The following DET1 variants were observed in gnomAD, a reference collection of about 807,000 sequenced individuals.
DET1 encodes DET1 homolog.
In DET1, 22 loss-of-function variants were observed where a neutral mutation model predicts 43.7. The observed-to-expected ratio is 0.50, with a 90% CI of 0.36 to 0.72. DET1 has a LOEUF of 0.72. Among genes scored for constraint, DET1 ranks in the 30% least tolerant of loss-of-function variants. The pLI is 0.00. For synonymous variants in DET1, 315 were observed against 266.2 expected, an observed-to-expected ratio of 1.18 and a Z score of -1.79; for missense variants, 713 against 713.3, an observed-to-expected ratio of 1.00 and a Z score of 0.00.
chr15:88,506,189 C>T (rs1335965550), intron 7 of DET1, among the ~76,000 whole-genome samples: 1 of 152,136 alleles, frequency 6.6e-6, no homozygotes, highest in Non-Finnish European at 1.5e-5. Flanking sequence ...GTGCTCACAT[C>T]GACCCTGAAA....
intron 4 of DET1, among the ~76,000 whole-genome samples, chr15:88,515,267 C>T (rs558317410): frequency 5.7e-4 from 86 of 152,092 alleles, no homozygotes; most frequent in Admixed American, 3.9e-3. Flanking sequence ...TGGCCAGGCA[C>T]GGTGGCTCAA....
intron 1 of DET1, among the ~76,000 whole-genome samples, chr15:88,535,472 ATAGT>A (rs891104181): frequency 6.6e-6 from 1 of 152,126 alleles, no homozygotes; most frequent in African/African-American, 2.4e-5. Flanking sequence ...AATGGCTGTA[ATAGT>A]TGGTGGTGGT....
chr15:88,532,767 T>G (rs939150420), intron 1 of DET1, among the ~76,000 whole-genome samples: 1 of 152,198 alleles, frequency 6.6e-6, no homozygotes. Flanking sequence ...GACCCTATCT[T>G]ACACCCTATA....
At chr15:88,525,776 C>T (rs1329743411) in intron 3 of DET1, among the ~76,000 whole-genome samples, 2 of 151,784 alleles carry the variant, frequency 1.3e-5, no homozygotes, top group African/African-American at 2.4e-5. Context: ...ATCCTCCCAC[C>T]TCAGCCTCCC....
intron 1 of DET1, among the ~76,000 whole-genome samples, chr15:88,544,928 C>T (rs533556199): frequency 6.6e-6 from 1 of 152,114 alleles, no homozygotes; most frequent in African/African-American, 2.4e-5. Flanking sequence ...GAAGTGTCGA[C>T]CTTGTAGCAG....
chr15:88,531,410 C>A lies in DET1; in HGVS notation c.296G>T (p.Gly99Val). The change falls in exon 2 of 5, where the codon GGA becomes GTA. Residue 99 changes from glycine to valine, a missense_variant. By Grantham distance (109) the Gly-to-Val change is moderately radical. Transcript: ENST00000268148. The surrounding 1 kb of genome is among the most constrained non-coding windows in gnomAD (Gnocchi z 6.2). ...GCQAAEDLLQGYEGEILSNGN... is the reference protein window; with the variant it reads ...GCQAAEDLLQVYEGEILSNGN... ...ATTGGACAGGATTTCTCCTTCGTAT[C>A]CCTGCAGTAGGTCCTCTGCTGCCTG... 6.2e-7 allele frequency: 1 copy of A among 1,614,042 alleles called. No homozygotes were observed. The highest frequency in any genetic ancestry group is 8.5e-7 in the Non-Finnish European group (1 of 1,179,894).
chr15:88,525,414 G>A (rs2142292161), intron 3 of DET1, among the ~76,000 whole-genome samples: 1 of 152,218 alleles, frequency 6.6e-6, no homozygotes, highest in South Asian at 2.1e-4. Flanking sequence ...GTTTTTTCTG[G>A]AGCTTTCTGT....
In DET1 at chr15:88,512,857, G is replaced by C. The variant is rs546165634; in HGVS notation, c.*94C>G. The C allele has an allele frequency of 5.9e-6, 9 of 1,533,070 alleles. No individual in the cohort carries two copies. The East Asian group carries it at 1.6e-4, about 27-fold the overall frequency. The allele number at this position is 1,533,070 out of a possible 1,614,324, so 95.0% of individuals were successfully genotyped here. A position where few individuals can be genotyped will look rare whatever the true frequency, so the allele number is the denominator to read the frequency against. On this transcript the variant is annotated 3_prime_UTR_variant, in exon 5 of 5. Transcript: ENST00000268148. ...GAGGTATAGCAGGCTGGAACTAACA[G>C]AGCTAGTAGTCGGGAGCTTTTGCTT...
At chr15:88,544,628 T>A (rs951357369) in intron 1 of DET1, among the ~76,000 whole-genome samples, 2 of 152,164 alleles carry the variant, frequency 1.3e-5, no homozygotes, top group African/African-American at 4.8e-5. Flanking sequence ...TTGAAAAGAC[T>A]TCACACCGTC....
At position 88,533,504 on chromosome 15, in the gene DET1, C is replaced by T. The variant is rs1306439762; in HGVS notation, c.-10-1789G>A. On this transcript the variant is annotated intron_variant, in intron 1 of 4. Coordinates refer to ENST00000268148, the MANE Select transcript of DET1 (RefSeq NM_001144074.3). ...CACCCATGTTCATATCAGCGCTATTCATAGTAGTCAAGAGATGGAAGCAAC... is the reference window on the plus strand; with the variant it reads ...CACCCATGTTCATATCAGCGCTATTTATAGTAGTCAAGAGATGGAAGCAAC... 2.0e-5 allele frequency among the ~76,000 whole-genome samples: 3 copies of T among 152,108 alleles called. No individual in the cohort carries two copies. In the East Asian group the frequency reaches 5.8e-4, roughly 29 times the overall value.
At chr15:88,542,127 A>G (rs2057124437) in intron 1 of DET1, among the ~76,000 whole-genome samples, 1 of 152,118 alleles carries the variant, frequency 6.6e-6, no homozygotes, top group African/African-American at 2.4e-5. Context: ...AGACCCATCG[A>G]CCCACCTAGG....
At chr15:88,514,034 C>G (rs1179281962) in intron 4 of DET1, among the ~76,000 whole-genome samples, 4 of 149,614 alleles carry the variant, frequency 2.7e-5, no homozygotes, top group Non-Finnish European at 5.9e-5. Context: ...CTCCTGACCT[C>G]GTGATCCGCC....
Position 88,512,522 on chromosome 15 carries a change from G to C in DET1, c.*429C>G. ...CATGGCTTTATTTTTCTCTTAAAAA[G>C]ATAGCCGTGCTTATGAGCTAAATGG... On this transcript the variant is annotated 3_prime_UTR_variant, in exon 5 of 5. Coordinates refer to ENST00000268148, the MANE Select transcript of DET1 (RefSeq NM_001144074.3). The C allele has an allele frequency of 1.0e-6, 1 of 988,490 alleles. No individual in the cohort carries two copies. The highest frequency in any genetic ancestry group is 1.2e-6 in the Non-Finnish European group (1 of 831,858). 61.2% of individuals were successfully genotyped at this position (988,490 alleles called of 1,614,324 possible). A position where few individuals can be genotyped will look rare whatever the true frequency, so the allele number is the denominator to read the frequency against.
At chr15:88,523,114 G>A (rs977576134) in intron 3 of DET1, among the ~76,000 whole-genome samples, 5 of 151,832 alleles carry the variant, frequency 3.3e-5, no homozygotes, top group South Asian at 2.1e-4. Context: ...GAGCTCAAGC[G>A]ATCAGTCCAC....
At chr15:88,523,306 G>A (rs903025042) in intron 3 of DET1, among the ~76,000 whole-genome samples, 2 of 151,890 alleles carry the variant, frequency 1.3e-5, no homozygotes, top group African/African-American at 4.8e-5. Flanking sequence ...GACCTATAAG[G>A]GTCCCAATTT....
intron 1 of DET1, among the ~76,000 whole-genome samples, chr15:88,539,508 T>C (rs566855652): frequency 5.0e-4 from 74 of 148,480 alleles, no homozygotes; most frequent in African/African-American, 1.8e-3. Context: ...TGCCCTAGGG[T>C]CAAATTGTTT....
chr15:88,536,224 C>A, intron 1 of DET1: 3 of 694,210 alleles, frequency 4.3e-6, no homozygotes. Context: ...AAATCTTCCC[C>A]AGGCACCTTA....
In DET1 at chr15:88,531,640, C is replaced by G. The variant is rs558503958; in HGVS notation, c.66G>C (p.Leu22Phe). The G allele has an allele frequency of 1.2e-6, 2 of 1,613,850 alleles. No homozygotes were observed. Among genetic ancestry groups the G allele is most frequent in the African/African-American group, 2.7e-5 (2 of 75,032 alleles). Residue 22 changes from leucine (L) to phenylalanine (F), a missense_variant, in exon 2 of 5, where the codon TTG (leucine) becomes TTC (phenylalanine). By Grantham distance (22) the Leu-to-Phe change is conservative. Transcript: ENST00000268148. This position sits in a 1 kb window ranked among gnomAD's most constrained non-coding sequence, Gnocchi z 6.2. ...RIQNQNVIHRLERRRISSGKA... is the reference protein window; with the variant it reads ...RIQNQNVIHRFERRRISSGKA... ...TGCCTGAACTGATCCGCCGGCGTTCCAAGCGGTGAATGACATTTTGGTTTT... is the reference window on the plus strand; with the variant it reads ...TGCCTGAACTGATCCGCCGGCGTTCGAAGCGGTGAATGACATTTTGGTTTT...
At chr15:88,524,614 A>C (rs1258903021) in intron 3 of DET1, among the ~76,000 whole-genome samples, 1 of 152,260 alleles carries the variant, frequency 6.6e-6, no homozygotes, top group African/African-American at 2.4e-5. Context: ...TTCTGTACTA[A>C]GAAAAATTCT....
Sources: allele counts gnomAD v4.1 joint callset (sites outside exome capture counted in the v4.1 genomes callset), GRCh38; gene constraint gnomAD v4.1.1; non-coding constraint Gnocchi (gnomAD v3.1); transcripts MANE v1.5; gene names NCBI Gene and HGNC (gene_info 2026-07-23, HGNC 2026-07-21).